Variants in SIL1 observed in about 807,000 individuals in gnomAD.
The protein encoded by SIL1 is nucleotide exchange factor SIL1.
Under a neutral mutation model 49.1 loss-of-function variants are expected in SIL1, and 40 were observed. The observed-to-expected ratio is 0.81, with a 90% confidence interval of 0.63 to 1.06. The LOEUF (loss-of-function observed/expected upper bound fraction) is 1.06. Among genes scored for constraint, SIL1 ranks in the 50% least tolerant of loss-of-function variants. The probability of loss-of-function intolerance (pLI) is 0.00; values close to 1 mark genes in which losing one functional copy is unlikely to be tolerated. For missense variants in SIL1, 500 were observed against 572.6 expected (o/e 0.87, Z 1.29); for synonymous variants, 253 against 250.8 (o/e 1.01, Z -0.08).
At chr5:139,158,904 T>C (rs1298298977) in intron 1 of SIL1, among the ~76,000 whole-genome samples, 1 of 152,102 alleles carries the variant, frequency 6.6e-6, no homozygotes, top group Non-Finnish European at 1.5e-5. Context: ...GTTGAAAAAA[T>C]GTAACTGAAA....
At chr5:139,106,909 C>T (rs1770725411) in intron 3 of SIL1, among the ~76,000 whole-genome samples, 1 of 152,190 alleles carries the variant, frequency 6.6e-6, no homozygotes, top group African/African-American at 2.4e-5. Context: ...GATGATCAAA[C>T]AATGAGCGTA....
intron 7 of SIL1, among the ~76,000 whole-genome samples, chr5:139,002,331 T>G (rs1331999654): frequency 6.6e-6 from 1 of 152,232 alleles, no homozygotes; most frequent in East Asian, 1.9e-4. Flanking sequence ...ATATCTTATT[T>G]CTTTAAAAAA....
chr5:139,110,901 C>T (rs1166807451), intron 3 of SIL1, among the ~76,000 whole-genome samples: 1 of 152,338 alleles, frequency 6.6e-6, no homozygotes, highest in East Asian at 1.9e-4. Flanking sequence ...TCTCCCTTAC[C>T]ATACCCAGAG....
chr5:139,017,849 G>A (rs749837655), intron 7 of SIL1, among the ~76,000 whole-genome samples: 2 of 152,150 alleles, frequency 1.3e-5, no homozygotes, highest in Non-Finnish European at 2.9e-5. Flanking sequence ...AGGTCAGACT[G>A]CAGACAGACA....
intron 7 of SIL1, among the ~76,000 whole-genome samples, chr5:139,008,247 G>A (rs1319387787): frequency 4.6e-5 from 7 of 151,444 alleles, no homozygotes; most frequent in African/African-American, 7.3e-5. Flanking sequence ...ATTTATTTGC[G>A]TAGAGGTGTT....
At chr5:139,173,790 C>A (rs866707928) in intron 1 of SIL1, among the ~76,000 whole-genome samples, 295 of 106,118 alleles carry the variant, frequency 2.8e-3, no homozygotes, top group Middle Eastern at 5.2e-3. Context: ...ACTAAAAATA[C>A]AAAAAAAAAA....
In SIL1 at chr5:139,172,942, G is replaced by A. The variant is rs535355027; in HGVS notation, c.-11+25327C>T. On this transcript the variant is annotated intron_variant, in intron 1 of 9. Transcript: ENST00000394817. ...CTCCAGAACCCGCTGATGCCCCCATGATCCCAAAGAAGACAGCCTACCCTA... is the reference window on the plus strand; with the variant it reads ...CTCCAGAACCCGCTGATGCCCCCATAATCCCAAAGAAGACAGCCTACCCTA... 6.8e-4 allele frequency among the ~76,000 whole-genome samples: 103 copies of A among 151,698 alleles called. 1 individual carries two copies. Among genetic ancestry groups the A allele is most frequent in the African/African-American group, 2.4e-3 (100 of 41,302 alleles).
At chr5:139,038,648 A>C (rs910840869) in intron 5 of SIL1, among the ~76,000 whole-genome samples, 2 of 152,210 alleles carry the variant, frequency 1.3e-5, no homozygotes, top group Non-Finnish European at 2.9e-5. Context: ...CTAGTTGAGA[A>C]GGGAAACAAC....
intron 3 of SIL1, among the ~76,000 whole-genome samples, chr5:139,117,102 C>T (rs755540961): frequency 9.2e-5 from 14 of 152,162 alleles, no homozygotes; most frequent in Non-Finnish European, 1.9e-4. Flanking sequence ...ATCTTTATGC[C>T]CTCACTGAGC....
chr5:139,159,958 T>C (rs1751477733), intron 1 of SIL1, among the ~76,000 whole-genome samples: 1 of 152,186 alleles, frequency 6.6e-6, no homozygotes, highest in African/African-American at 2.4e-5. Context: ...AAATTTCCTT[T>C]TAAAGGCAGC....
At chr5:139,100,279 G>C (rs1049301050) in intron 3 of SIL1, among the ~76,000 whole-genome samples, 4 of 152,172 alleles carry the variant, frequency 2.6e-5, no homozygotes, top group African/African-American at 4.8e-5. Context: ...GGAAGTGAGG[G>C]AGCTAGCCAC....
At chr5:138,969,860 C>A (rs1397813133) in intron 7 of SIL1, among the ~76,000 whole-genome samples, 1 of 152,332 alleles carries the variant, frequency 6.6e-6, no homozygotes, top group East Asian at 1.9e-4. Context: ...CTGGCACGAG[C>A]AGCCTGGGAA....
At chr5:139,172,824 G>GA (rs1751801586) in intron 1 of SIL1, among the ~76,000 whole-genome samples, 1 of 152,066 alleles carries the variant, frequency 6.6e-6, no homozygotes, top group Non-Finnish European at 1.5e-5. Flanking sequence ...AACACCAGCT[G>GA]GTCCCAGATT....
chr5:139,024,324 A>G (rs557024415), intron 6 of SIL1, among the ~76,000 whole-genome samples: 1 of 152,194 alleles, frequency 6.6e-6, no homozygotes, highest in Non-Finnish European at 1.5e-5. Flanking sequence ...GGAGAGTAAG[A>G]CTGGAAAGGG....
At chr5:139,024,890 G>A (rs1448812318) in intron 6 of SIL1, among the ~76,000 whole-genome samples, 1 of 152,010 alleles carries the variant, frequency 6.6e-6, no homozygotes, top group East Asian at 1.9e-4. Context: ...CTTCTTCTCT[G>A]CCTGCTCTCA....
chr5:138,995,291 A>G (rs996309670), intron 7 of SIL1, among the ~76,000 whole-genome samples: 1 of 148,682 alleles, frequency 6.7e-6, no homozygotes, highest in Non-Finnish European at 1.5e-5. Flanking sequence ...CTTGTTGCCC[A>G]GGCTGGAGTG....
At chr5:139,185,632 G>C (rs1277329545) in intron 1 of SIL1, among the ~76,000 whole-genome samples, 2 of 152,204 alleles carry the variant, frequency 1.3e-5, no homozygotes, top group Non-Finnish European at 2.9e-5. Flanking sequence ...ATAGTGAAAA[G>C]TAAGTCTCCC....
chr5:138,984,233 G>C (rs1196773172), intron 7 of SIL1, among the ~76,000 whole-genome samples: 2 of 151,992 alleles, frequency 1.3e-5, no homozygotes, highest in Non-Finnish European at 2.9e-5. Flanking sequence ...CCAGGCTCAA[G>C]TACAAAAGAG....
Position 139,062,075 on chromosome 5 carries a change from C to T in SIL1, c.245-11029G>A, listed in dbSNP as rs146450395. Reference sequence around the variant, plus strand: ...CTCCTGCTTCTTTATTCAAAACCCCCGAACAAGTCTTGGCAAGATCCCTGC... The same window carrying T: ...CTCCTGCTTCTTTATTCAAAACCCCTGAACAAGTCTTGGCAAGATCCCTGC... On this transcript the variant is annotated intron_variant, in intron 3 of 9. Transcript: ENST00000394817. Among the ~76,000 whole-genome samples, 602 of 152,284 alleles carry T rather than the reference C, an allele frequency of 4.0e-3. 3 individuals carry two copies. The highest frequency in any genetic ancestry group is 0.013 in the African/African-American group (526 of 41,544).
Sources: gnomAD v4.1 joint callset for allele counts (sites outside exome capture counted in the v4.1 genomes callset) on GRCh38, gnomAD v4.1.1 for gene constraint, MANE v1.5 for transcripts, NCBI Gene and HGNC (gene_info 2026-07-23, HGNC 2026-07-21) for gene names.